FOXJ3: variants seen among roughly 807,000 people sequenced by gnomAD.
FOXJ3 encodes forkhead box protein J3.
Under a neutral mutation model 76.1 loss-of-function variants are expected in FOXJ3, and 22 were observed. The ratio of observed to expected loss-of-function variants is 0.29; its 90% confidence interval spans 0.21 to 0.41. FOXJ3 has a LOEUF of 0.41. Ranked by LOEUF, FOXJ3 falls within the 10% of genes least tolerant of loss-of-function variation. The pLI, the probability that FOXJ3 is intolerant of heterozygous loss-of-function variation, is 1.00. For missense variants in FOXJ3, 613 were observed against 762.1 expected (o/e 0.80, Z 2.30); for synonymous variants, 269 against 261.2 (o/e 1.03, Z -0.29).
At chr1:42,182,405 A>C (rs954407870) in intron 11 of FOXJ3, among the ~76,000 whole-genome samples, 1 of 152,232 alleles carries the variant, frequency 6.6e-6, no homozygotes, top group African/African-American at 2.4e-5. Flanking sequence ...CCCATTTTAC[A>C]GATGAGGCAA....
chr1:42,301,283 C>A (rs1027885719), intron 2 of FOXJ3, among the ~76,000 whole-genome samples: 4 of 152,114 alleles, frequency 2.6e-5, no homozygotes, highest in East Asian at 1.9e-4. Context: ...ACAACCTCCA[C>A]CTCCTGGAAT....
At chr1:42,308,600 C>T (rs1013229464) in intron 2 of FOXJ3, among the ~76,000 whole-genome samples, 17 of 151,968 alleles carry the variant, frequency 1.1e-4, no homozygotes, top group African/African-American at 3.6e-4. Context: ...TAGGGCTTCT[C>T]GGTTTATAAA....
At chr1:42,240,925 A>G (rs1251620780) in intron 4 of FOXJ3, among the ~76,000 whole-genome samples, 2 of 152,226 alleles carry the variant, frequency 1.3e-5, no homozygotes, top group Non-Finnish European at 2.9e-5. Context: ...GATACTTGGC[A>G]CCTGCACTTA....
At chr1:42,248,744 T>G (rs1348478940) in intron 4 of FOXJ3, among the ~76,000 whole-genome samples, 43 of 147,972 alleles carry the variant, frequency 2.9e-4, no homozygotes, top group South Asian at 1.7e-3. Context: ...TTTTTTTTTT[T>G]TTTTTTTTTT....
chr1:42,309,688 T>C (rs1654688700), intron 2 of FOXJ3, among the ~76,000 whole-genome samples: 1 of 152,216 alleles, frequency 6.6e-6, no homozygotes, highest in Non-Finnish European at 1.5e-5. Context: ...GATGAATAAA[T>C]GATATGGCTG....
intron 2 of FOXJ3, among the ~76,000 whole-genome samples, chr1:42,281,786 C>G (rs994624466): frequency 9.2e-5 from 14 of 152,110 alleles, no homozygotes; most frequent in Non-Finnish European, 1.6e-4. Context: ...AGGGCGGGTG[C>G]GGTGGCTCAT....
chr1:42,261,408 T>C (rs1216827410), intron 4 of FOXJ3, among the ~76,000 whole-genome samples: 1 of 152,086 alleles, frequency 6.6e-6, no homozygotes, highest in Non-Finnish European at 1.5e-5. Context: ...TGTGTGTGTT[T>C]TTTTTAATAA....
chr1:42,248,500 C>G (rs1649724010), intron 4 of FOXJ3, among the ~76,000 whole-genome samples: 1 of 148,932 alleles, frequency 6.7e-6, no homozygotes, highest in African/African-American at 2.5e-5. Flanking sequence ...CGCCACTGCA[C>G]TCCAGCCTGG....
intron 6 of FOXJ3, among the ~76,000 whole-genome samples, chr1:42,202,075 G>A (rs1237731730): frequency 6.6e-6 from 1 of 151,888 alleles, no homozygotes; most frequent in African/African-American, 2.4e-5. Flanking sequence ...TCAGCAAATT[G>A]TATTTCTCTT....
intron 3 of FOXJ3, among the ~76,000 whole-genome samples, chr1:42,273,380 A>C (rs575619757): frequency 6.6e-6 from 1 of 152,314 alleles, no homozygotes; most frequent in East Asian, 1.9e-4. Flanking sequence ...ATGAAAGACG[A>C]AATCAGCTGA....
intron 1 of FOXJ3, among the ~76,000 whole-genome samples, chr1:42,324,481 C>T (rs1035028886): frequency 3.3e-5 from 5 of 151,306 alleles, no homozygotes; most frequent in African/African-American, 7.3e-5. Flanking sequence ...AGTTTAAACA[C>T]GCAACATCCT....
intron 1 of FOXJ3, among the ~76,000 whole-genome samples, chr1:42,325,386 G>A (rs549575758): frequency 2.0e-5 from 3 of 152,166 alleles, no homozygotes; most frequent in South Asian, 2.1e-4. Flanking sequence ...TAGTCGAAAA[G>A]AAGAAAACAG....
chr1:42,232,688 A>G (rs1317726257), intron 4 of FOXJ3, among the ~76,000 whole-genome samples: 2 of 152,062 alleles, frequency 1.3e-5, no homozygotes, highest in African/African-American at 2.4e-5. Context: ...TAGATTCTGG[A>G]CATTAGCCCT....
intron 5 of FOXJ3, among the ~76,000 whole-genome samples, chr1:42,216,536 A>G (rs968285985): frequency 1.8e-4 from 28 of 151,972 alleles, no homozygotes; most frequent in African/African-American, 6.8e-4. Flanking sequence ...AAAAAAGACT[A>G]CTGTTTTCCT....
chr1:42,333,846 T>A (rs942661062), intron 1 of FOXJ3, among the ~76,000 whole-genome samples: 1 of 152,236 alleles, frequency 6.6e-6, no homozygotes, highest in Non-Finnish European at 1.5e-5. Flanking sequence ...TAGGTGAAAC[T>A]AGTGCTGCCT....
At chr1:42,198,114 T>C (rs920851096) in intron 7 of FOXJ3, among the ~76,000 whole-genome samples, 1 of 152,204 alleles carries the variant, frequency 6.6e-6, no homozygotes, top group Non-Finnish European at 1.5e-5. Flanking sequence ...AATCTCTATT[T>C]CTTCTGAAAA....
intron 4 of FOXJ3, among the ~76,000 whole-genome samples, chr1:42,232,897 A>C (rs1648278550): frequency 6.6e-6 from 1 of 152,064 alleles, no homozygotes; most frequent in African/African-American, 2.4e-5. Context: ...GGTAATGCCT[A>C]GGTTTTCTTC....
chr1:42,315,402 C>A, intron 1 of FOXJ3: 1 of 984,986 alleles, frequency 1.0e-6, no homozygotes, highest in Non-Finnish European at 1.2e-6. Context: ...TCTGTAGGTT[C>A]TTATTTCTCA....
chr1:42,227,983 T>C lies in FOXJ3; in HGVS notation c.445-17A>G. 1 of 1,345,536 alleles carries C rather than the reference T, an allele frequency of 7.4e-7. No individual in the cohort carries two copies. Among genetic ancestry groups the C allele is most frequent in the Non-Finnish European group, 1.0e-6 (1 of 960,514 alleles). 83.3% of individuals were successfully genotyped at this position (1,345,536 alleles called of 1,614,324 possible). On this transcript the variant is annotated splice_polypyrimidine_tract_variant and intron_variant, in intron 4 of 12. Transcript: ENST00000361346. ...GTAGGACCCCTAGAGGTAAAGAAAT[T>C]ATATTAACAGTATATTACAGCAAAC... is the stretch of plus-strand genomic sequence containing the variant.
Sources: gnomAD v4.1 joint callset for allele counts (sites outside exome capture counted in the v4.1 genomes callset) on GRCh38, gnomAD v4.1.1 for gene constraint, MANE v1.5 for transcripts, NCBI Gene and HGNC (gene_info 2026-07-23, HGNC 2026-07-21) for gene names.